PCK1: variants seen among roughly 807,000 people sequenced by gnomAD.
The protein encoded by PCK1 is phosphoenolpyruvate carboxykinase 1.
Under a neutral mutation model 50.3 loss-of-function variants are expected in PCK1, and 44 were observed. The observed-to-expected ratio is 0.87, with a 90% CI of 0.69 to 1.12. The LOEUF (loss-of-function observed/expected upper bound fraction) is 1.12. Ranked by LOEUF, PCK1 falls within the 50% of genes most tolerant of loss-of-function variation. The pLI, the probability that PCK1 is intolerant of heterozygous loss-of-function variation, is 0.00. For missense variants in PCK1, 790 were observed against 815.0 expected (o/e 0.97, Z 0.37); for synonymous variants, 332 against 314.3 (o/e 1.06, Z -0.59).
chr20:57,562,850 G>A lies in PCK1; in HGVS notation c.561G>A (p.Gly187=). Residue 187 remains glycine (G), a synonymous_variant, in exon 4 of 10, where the codon GGG becomes GGA. Transcript: ENST00000319441. ...GTPVLEAVGD[G]EFVKCLHSVG... ...CCGTCCTGGAAGCAGTGGGCGATGG[G>A]GAGTTTGTCAAATGCCTCCATTCTG... 6.2e-7 allele frequency: 1 copy of A among 1,613,954 alleles called. No individual in the cohort carries two copies.
chr20:57,565,390 C>G lies in PCK1; in HGVS notation c.1455C>G (p.Phe485Leu). 1 of 1,614,242 alleles carries G rather than the reference C, an allele frequency of 6.2e-7. No homozygotes were observed. Among genetic ancestry groups the G allele is most frequent in the East Asian group, 2.2e-5 (1 of 44,890 alleles). Residue 485 changes from phenylalanine to leucine, a missense_variant, in exon 10 of 10, where the codon TTC (phenylalanine) becomes TTG (leucine). Phe to Leu is a conservative substitution (Grantham distance 22). Transcript: ENST00000319441. Reference protein sequence around the residue: ...IMHDPFAMRPFFGYNFGKYLA... With the variant: ...IMHDPFAMRPLFGYNFGKYLA... ...ATGACCCCTTTGCCATGCGGCCCTT[C>G]TTTGGCTACAACTTCGGCAAATACC...
chr20:57,563,727 G>A lies in PCK1; in HGVS notation c.961G>A (p.Gly321Ser). 6.2e-7 allele frequency: 1 copy of A among 1,606,926 alleles called. No individual in the cohort carries two copies. The highest frequency in any genetic ancestry group is 8.5e-7 in the Non-Finnish European group (1 of 1,176,608). ...TGCCTGGATGAAGTTTGACGCACAA[G>A]GTGACTCTTTTAGACCCAACTCTTG... ...DIAWMKFDAQ[G>S]HLRAINPENG... Residue 321 changes from glycine to serine, a missense_variant and splice_region_variant, in exon 6 of 10, where the codon GGT becomes AGT. Transcript: ENST00000319441.
In PCK1 at chr20:57,565,076, A is replaced by G. The variant is rs150001707; in HGVS notation, c.1355A>G (p.His452Arg). 1.6e-5 allele frequency: 26 copies of G among 1,613,744 alleles called. No homozygotes were observed. Among genetic ancestry groups the G allele is most frequent in the Admixed American group, 3.3e-5 (2 of 59,980 alleles). ...GTCTATGAAGCTCTCAGCTGGCAAC[A>G]TGGAGTCTTTGTGGGGGCGGCCATG... ...PLVYEALSWQ[H>R]GVFVGAAMRS... is the part of the protein sequence containing the mutation. Residue 452 changes from histidine to arginine, a missense_variant, in exon 9 of 10, where the codon CAT (histidine) becomes CGT (arginine). By Grantham distance (29) the His-to-Arg change is conservative. Transcript: ENST00000319441.
Position 57,562,805 on chromosome 20 carries a change from C to G in PCK1, c.516C>G (p.Ile172Met), listed in dbSNP as rs774522183. 6.2e-7 allele frequency: 1 copy of G among 1,614,098 alleles called. No homozygotes were observed. Among genetic ancestry groups the G allele is most frequent in the Non-Finnish European group, 8.5e-7 (1 of 1,179,910 alleles). ...CCTACGTGGTGGCCAGCATGCGGAT[C>G]ATGACGCGGATGGGCACGCCCGTCC... ...DSPYVVASMR[I>M]MTRMGTPVLE... The change falls in exon 4 of 10, where the codon ATC becomes ATG. Residue 172 changes from isoleucine to methionine, a missense_variant. Ile to Met is a conservative substitution (Grantham distance 10). Coordinates refer to ENST00000319441, the MANE Select transcript of PCK1 (RefSeq NM_002591.4).
Position 57,564,526 on chromosome 20 carries a change from A to T in PCK1, c.1231A>T (p.Ser411Cys). Residue 411 changes from serine to cysteine, a missense_variant, in exon 8 of 10, where the codon AGC (serine) becomes TGC (cysteine). Physicochemically the swap from Ser to Cys is moderately radical, Grantham distance 112. Coordinates refer to ENST00000319441, the MANE Select transcript of PCK1 (RefSeq NM_002591.4). ...CAACTCGAGGTTCTGCACCCCTGCC[A>T]GCCAGTGCCCCATCATTGATGCTGC... ...HPNSRFCTPA[S>C]QCPIIDAAWE... 1.2e-6 allele frequency: 2 copies of T among 1,614,166 alleles called. No homozygotes were observed. The highest frequency in any genetic ancestry group is 1.7e-6 in the Non-Finnish European group (2 of 1,180,012).
Position 57,565,888 on chromosome 20 carries a change from CA to C in PCK1, c.*87del. 1 of 950,738 alleles carries C rather than the reference CA, an allele frequency of 1.1e-6. No homozygotes were observed. The highest frequency in any genetic ancestry group is 1.5e-6 in the Non-Finnish European group (1 of 645,692). The allele number at this position is 950,738 out of a possible 1,614,324, so 58.9% of individuals were successfully genotyped here. On this transcript the variant is annotated 3_prime_UTR_variant, in exon 10 of 10. Coordinates refer to ENST00000319441, the MANE Select transcript of PCK1 (RefSeq NM_002591.4). ...AGGAGCAAGAGAGGGCAAGTGTTCCCAAATTGACGCCACCATAATAATCATC... is the reference window on the plus strand; with the variant it reads ...AGGAGCAAGAGAGGGCAAGTGTTCCCAATTGACGCCACCATAATAATCATC...
Position 57,564,550 on chromosome 20 carries a change from G to GCCTGGGAGT in PCK1, c.1257_1265dup (p.Trp420_Ser422dup), listed in dbSNP as rs1568909938. ...CAGCCAGTGCCCCATCATTGATGCT[G>GCCTGGGAGT]CCTGGGAGTCTCCGGAAGGTGTTCC... is the stretch of plus-strand genomic sequence containing the variant. On this transcript the variant is annotated inframe_insertion, in exon 8 of 10. Coordinates refer to ENST00000319441, the MANE Select transcript of PCK1 (RefSeq NM_002591.4). The GCCTGGGAGT allele has an allele frequency of 1.9e-6, 3 of 1,613,788 alleles. No individual in the cohort carries two copies. The highest frequency in any genetic ancestry group is 2.5e-6 in the Non-Finnish European group (3 of 1,179,692).
At chr20:57,564,693 T>C in intron 8 of PCK1, 80 bp downstream of exon 8, 1 of 1,318,180 alleles carries the variant, frequency 7.6e-7, no homozygotes, top group South Asian at 1.4e-5. Flanking sequence ...TCCTTTTCCA[T>C]GACCTTGTCA....
chr20:57,561,840 A>G, intron 2 of PCK1: 1 of 515,720 alleles, frequency 1.9e-6, no homozygotes, highest in Non-Finnish European at 3.2e-6. Context: ...GTGTGCACAA[A>G]AGCTCTGCCA....
Position 57,565,620 on chromosome 20 carries a change from A to G in PCK1, c.1685A>G (p.Asp562Gly), listed in dbSNP as rs1346573428. Residue 562 changes from aspartate to glycine, a missense_variant, in exon 10 of 10, where the codon GAT becomes GGT. Transcript: ENST00000319441. ...CCCATAGGCTACATCCCCAAGGAGG[A>G]TGCCCTGAACCTGAAAGGCCTGGGG... ...LTPIGYIPKE[D>G]ALNLKGLGHI... 6.2e-7 allele frequency: 1 copy of G among 1,614,206 alleles called. No individual in the cohort carries two copies. The highest frequency in any genetic ancestry group is 1.1e-5 in the South Asian group (1 of 91,086).
Position 57,565,127 on chromosome 20 carries a change from A to G in PCK1, c.1406A>G (p.Glu469Gly). The G allele has an allele frequency of 3.1e-6, 5 of 1,613,298 alleles. No individual in the cohort carries two copies. The highest frequency in any genetic ancestry group is 4.2e-6 in the Non-Finnish European group (5 of 1,179,284). ...AGATCAGAGGCCACAGCGGCTGCAG[A>G]ACATAAAGGTAAATCAAAGTCCTGA... is the stretch of plus-strand genomic sequence containing the variant. ...AMRSEATAAA[E>G]HKGKIIMHDP... Residue 469 changes from glutamate (E) to glycine (G), a missense_variant, in exon 9 of 10, where the codon GAA becomes GGA. By Grantham distance (98) the Glu-to-Gly change is moderately conservative. Transcript: ENST00000319441.
chr20:57,561,261 C>G (rs2070137652), intron 1 of PCK1, 58 bp downstream of exon 1: 1 of 585,104 alleles, frequency 1.7e-6, no homozygotes, highest in Non-Finnish European at 3.0e-6. Flanking sequence ...TCATTTTTTT[C>G]CTGAGAGCAA....
Position 57,567,178 on chromosome 20 carries a change from T to A in PCK1, c.*1374T>A, listed in dbSNP as rs2146532625. 1.3e-5 allele frequency: 2 copies of A among 152,390 alleles called. No individual in the cohort carries two copies. Among genetic ancestry groups the A allele is most frequent in the South Asian group, 4.1e-4 (2 of 4,824 alleles). 9.4% of individuals were successfully genotyped at this position (152,390 alleles called of 1,614,324 possible). On this transcript the variant is annotated 3_prime_UTR_variant, in exon 10 of 10. Transcript: ENST00000319441. ...TGTAGTTTCTTTCTTGGGCCCAGGCTGTGAAATTGGCTTCACCCCTACCAC... is the reference window on the plus strand; with the variant it reads ...TGTAGTTTCTTTCTTGGGCCCAGGCAGTGAAATTGGCTTCACCCCTACCAC...
At chr20:57,561,710 G>A (rs1302046220) in intron 2 of PCK1, 75 bp downstream of exon 2, 1 of 1,033,822 alleles carries the variant, frequency 9.7e-7, no homozygotes, top group Non-Finnish European at 1.5e-6. Flanking sequence ...AGTTGGTGGA[G>A]AAAGGTGAAT....
In PCK1 at chr20:57,567,398, C is replaced by A. The variant is rs2070214119; in HGVS notation, c.*1594C>A. 1 of 152,186 alleles carries A rather than the reference C, an allele frequency of 6.6e-6. No individual in the cohort carries two copies. The highest frequency in any genetic ancestry group is 1.5e-5 in the Non-Finnish European group (1 of 68,048). The allele number at this position is 152,186 out of a possible 1,614,324, so 9.4% of individuals were successfully genotyped here. A position where few individuals can be genotyped will look rare whatever the true frequency, so the allele number is the denominator to read the frequency against. Reference sequence around the variant, plus strand: ...AGCGTCCAGCGGGGCTGAGAAATTGCCAGGATTTCCTTCCCCATTAAGGAG... The same window carrying A: ...AGCGTCCAGCGGGGCTGAGAAATTGACAGGATTTCCTTCCCCATTAAGGAG... On this transcript the variant is annotated 3_prime_UTR_variant, in exon 10 of 10. Transcript: ENST00000319441.
intron 3 of PCK1, 163 bp downstream of exon 3, chr20:57,562,415 TCTG>T: frequency 1.5e-6 from 1 of 673,676 alleles, no homozygotes; most frequent in Admixed American, 2.9e-5. Flanking sequence ...ACATCCCTCT[TCTG>T]CTTTTACAGA....
rs370747699 is a variant in PCK1 at position 57,565,094 on chromosome 20, C to A, written c.1373C>A (p.Ala458Glu). The A allele has an allele frequency of 6.2e-7, 1 of 1,613,744 alleles. No individual in the cohort carries two copies. Among genetic ancestry groups the A allele is most frequent in the East Asian group, 2.2e-5 (1 of 44,866 alleles). Residue 458 changes from alanine to glutamate, a missense_variant, in exon 9 of 10, where the codon GCG (alanine) becomes GAG (glutamate). Physicochemically the swap from Ala to Glu is moderately radical, Grantham distance 107 (BLOSUM62 -1). Transcript: ENST00000319441. Reference protein sequence around the residue: ...LSWQHGVFVGAAMRSEATAAA... With the variant: ...LSWQHGVFVGEAMRSEATAAA... ...TGGCAACATGGAGTCTTTGTGGGGG[C>A]GGCCATGAGATCAGAGGCCACAGCG... is the stretch of plus-strand genomic sequence containing the variant.
intron 8 of PCK1, 34 bp downstream of exon 8, chr20:57,564,647 GGT>G (rs2070186413): frequency 6.5e-7 from 1 of 1,542,418 alleles, no homozygotes; most frequent in South Asian, 1.3e-5. Context: ...TGGGAACATG[GGT>G]GTGCTGGGTA....
intron 5 of PCK1, 38 bp downstream of exon 5, chr20:57,563,253 C>CCTGGGGGGTG (rs780605778): frequency 9.5e-6 from 15 of 1,582,620 alleles, no homozygotes; most frequent in Non-Finnish European, 1.3e-5. Flanking sequence ...AGATGAGAGG[C>CCTGGGGGGTG]CTGGGGGGTG....
Sources: allele counts gnomAD v4.1 joint callset, GRCh38; gene constraint gnomAD v4.1.1; transcripts MANE v1.5; gene names NCBI Gene and HGNC (gene_info 2026-07-23, HGNC 2026-07-21).